Variants in KCNB2 observed in about 807,000 individuals in gnomAD.
KCNB2 encodes the protein delayed rectifier potassium channel protein.
In KCNB2, 15 loss-of-function variants were observed where a neutral mutation model predicts 61.5. That is an observed-to-expected ratio of 0.24 (90% CI 0.16 to 0.38). KCNB2 has a LOEUF of 0.38. Among genes scored for constraint, KCNB2 ranks in the 10% least tolerant of loss-of-function variants. KCNB2 has a pLI of 1.00. For missense variants in KCNB2, 828 were observed against 1,125.2 expected (o/e 0.74, Z 3.78); for synonymous variants, 457 against 446.0 (o/e 1.02, Z -0.31).
intron 2 of KCNB2, among the ~76,000 whole-genome samples, chr8:72,598,227 C>T (rs1029793310): frequency 6.6e-6 from 1 of 152,160 alleles, no homozygotes; most frequent in African/African-American, 2.4e-5. Context: ...CCGAATCCAG[C>T]AGCACATCAA....
intron 2 of KCNB2, among the ~76,000 whole-genome samples, chr8:72,654,057 T>C (rs1806253307): frequency 6.6e-6 from 1 of 152,156 alleles, no homozygotes; most frequent in Non-Finnish European, 1.5e-5. Flanking sequence ...GGGTATGCCA[T>C]CTTGTTTAAT....
chr8:72,577,903 C>T (rs544104123), intron 2 of KCNB2, among the ~76,000 whole-genome samples: 2 of 152,316 alleles, frequency 1.3e-5, no homozygotes, highest in South Asian at 4.1e-4. Context: ...ATTTGGAATA[C>T]TGAAGGGCAG....
rs1204186441 is a variant in KCNB2, at chr8:72,936,447, G to A, written c.1092G>A (p.Lys364=). The A allele has an allele frequency of 6.2e-7, 1 of 1,614,184 alleles. No homozygotes were observed. The highest frequency in any genetic ancestry group is 1.7e-5 in the Admixed American group (1 of 60,026). The change falls in exon 3 of 3, where the codon AAG becomes AAA. Residue 364 remains lysine (K), a synonymous_variant. Coordinates refer to ENST00000523207, the MANE Select transcript of KCNB2 (RefSeq NM_004770.3). The surrounding 1 kb of genome is among the most constrained non-coding windows in gnomAD (Gnocchi z 5.6). ...FFAEKDEDAT[K]FTSIPASFWW... is the part of the protein sequence containing the mutation. ...CTGAGAAGGATGAAGATGCTACCAAGTTCACCAGTATCCCTGCATCATTTT... is the reference window on the plus strand; with the variant it reads ...CTGAGAAGGATGAAGATGCTACCAAATTCACCAGTATCCCTGCATCATTTT...
chr8:72,609,574 A>G (rs1805506312), intron 2 of KCNB2, among the ~76,000 whole-genome samples: 1 of 152,132 alleles, frequency 6.6e-6, no homozygotes, highest in Non-Finnish European at 1.5e-5. Context: ...TTGCCCTTTT[A>G]TTTGTGCTTG....
At chr8:72,742,225 C>T (rs1158429502) in intron 2 of KCNB2, among the ~76,000 whole-genome samples, 2 of 152,164 alleles carry the variant, frequency 1.3e-5, no homozygotes, top group Non-Finnish European at 2.9e-5. Context: ...TATTTGTTCA[C>T]CATTGATCTT....
chr8:72,891,398 A>G (rs1344761521), intron 2 of KCNB2, among the ~76,000 whole-genome samples: 1 of 152,224 alleles, frequency 6.6e-6, no homozygotes, highest in African/African-American at 2.4e-5. Flanking sequence ...ATTATTTTAC[A>G]TGCTTATGTA....
At chr8:72,722,551 G>A (rs1399910715) in intron 2 of KCNB2, among the ~76,000 whole-genome samples, 1 of 152,136 alleles carries the variant, frequency 6.6e-6, no homozygotes, top group African/African-American at 2.4e-5. Context: ...TTCCTTTGTA[G>A]TACTTGTCAG....
intron 2 of KCNB2, among the ~76,000 whole-genome samples, chr8:72,665,126 C>T (rs1440579280): frequency 6.6e-6 from 1 of 152,174 alleles, no homozygotes; most frequent in Non-Finnish European, 1.5e-5. Flanking sequence ...GTGTGCTTGC[C>T]ATAATCTCAC....
At chr8:72,867,471 G>T (rs11777471) in intron 2 of KCNB2, among the ~76,000 whole-genome samples, 20,541 of 152,086 alleles carry the variant, frequency 0.14, 1,826 homozygotes, top group African/African-American at 0.25. Flanking sequence ...AACAAAGGGA[G>T]ACCCTTTCTC....
At chr8:72,684,652 T>C (rs1327490807) in intron 2 of KCNB2, among the ~76,000 whole-genome samples, 2 of 152,178 alleles carry the variant, frequency 1.3e-5, no homozygotes, top group Non-Finnish European at 2.9e-5. Context: ...TAGTATAGTA[T>C]ATCCTGGTAC....
chr8:72,781,477 T>G (rs1808753745), intron 2 of KCNB2, among the ~76,000 whole-genome samples: 1 of 152,202 alleles, frequency 6.6e-6, no homozygotes, highest in Admixed American at 6.5e-5. Context: ...AGGGAATCCT[T>G]TCCACATTGC....
chr8:72,659,343 G>A (rs184417123), intron 2 of KCNB2, among the ~76,000 whole-genome samples: 1 of 152,198 alleles, frequency 6.6e-6, no homozygotes, highest in Non-Finnish European at 1.5e-5. Context: ...GCAATGACAC[G>A]ATTTGTCTTT....
chr8:72,735,465 T>G (rs922534120), intron 2 of KCNB2, among the ~76,000 whole-genome samples: 1 of 152,182 alleles, frequency 6.6e-6, no homozygotes, highest in Non-Finnish European at 1.5e-5. Flanking sequence ...AGGTCTCACA[T>G]GCAAAAACAG....
intron 1 of KCNB2, 69 bp from the exon 2 acceptor site, chr8:72,567,573 G>T: frequency 1.7e-6 from 1 of 572,640 alleles, no homozygotes; most frequent in East Asian, 2.8e-5. Flanking sequence ...TGTTACAACA[G>T]AATGATCCCA....
At chr8:72,571,447 A>G (rs1044593676) in intron 2 of KCNB2, among the ~76,000 whole-genome samples, 7 of 152,232 alleles carry the variant, frequency 4.6e-5, no homozygotes, top group African/African-American at 1.7e-4. Flanking sequence ...ACATTTAACA[A>G]ATTAACATTT....
chr8:72,843,434 T>C (rs10102624), intron 2 of KCNB2, among the ~76,000 whole-genome samples: 129,473 of 151,926 alleles, frequency 0.85, 56,131 homozygotes, highest in Middle Eastern at 0.97. Context: ...TGGAGAGTTC[T>C]GTAGATGTCT....
Position 72,761,424 on chromosome 8 carries a change from A to G in KCNB2, c.580-174511A>G, listed in dbSNP as rs145086817. On this transcript the variant is annotated intron_variant, in intron 2 of 2. Coordinates refer to ENST00000523207, the MANE Select transcript of KCNB2 (RefSeq NM_004770.3). ...GAGCCCCTTCCAACAATGCCTAAGG[A>G]GATTTGGGGAAAAAACCCAGCTCTT... Among the ~76,000 whole-genome samples the G allele has an allele frequency of 8.3e-3, 1,257 of 152,290 alleles. 16 individuals are homozygous for G. The highest frequency in any genetic ancestry group is 0.028 in the African/African-American group (1,166 of 41,564).
At chr8:72,589,054 T>C (rs1325745967) in intron 2 of KCNB2, among the ~76,000 whole-genome samples, 2 of 152,054 alleles carry the variant, frequency 1.3e-5, no homozygotes, top group East Asian at 1.9e-4. Context: ...GTACAAAAAC[T>C]TGGAGGAAAA....
intron 2 of KCNB2, among the ~76,000 whole-genome samples, chr8:72,906,000 C>T (rs1009733701): frequency 6.6e-6 from 1 of 152,170 alleles, no homozygotes; most frequent in Non-Finnish European, 1.5e-5. Context: ...ACTTTCTCCT[C>T]TATTATCTGA....
Sources: allele counts gnomAD v4.1 joint callset (sites outside exome capture counted in the v4.1 genomes callset), GRCh38; gene constraint gnomAD v4.1.1; non-coding constraint Gnocchi (gnomAD v3.1); transcripts MANE v1.5; gene names NCBI Gene and HGNC (gene_info 2026-07-23, HGNC 2026-07-21).